PIWIL1: variants seen among roughly 807,000 people sequenced by gnomAD.
PIWIL1 encodes the protein piwi like RNA-mediated gene silencing 1.
Under a neutral mutation model 114.4 loss-of-function variants are expected in PIWIL1, and 73 were observed. The observed-to-expected ratio is 0.64, with a 90% CI of 0.53 to 0.78. PIWIL1 has a LOEUF of 0.78. Ranked by LOEUF, PIWIL1 falls within the 30% of genes least tolerant of loss-of-function variation. The probability of loss-of-function intolerance (pLI) is 0.00; values close to 1 mark genes in which losing one functional copy is unlikely to be tolerated. For missense variants in PIWIL1, 723 were observed against 1,063.1 expected (o/e 0.68, Z 4.45); for synonymous variants, 375 against 369.0 (o/e 1.02, Z -0.19).
chr12:130,425,851 C>A, the PIWIL1 span: 1 of 152,376 alleles, frequency 6.6e-6, no homozygotes, highest in Admixed American at 6.5e-5. Context: ...GTCTGTCCCC[C>A]CTCTTGCTGT....
At chr12:130,390,605 G>A in the PIWIL1 span, among the ~76,000 whole-genome samples, 7 of 152,274 alleles carry the variant, frequency 4.6e-5, no homozygotes, top group African/African-American at 1.7e-4. Flanking sequence ...CTTGGGCAAT[G>A]GGTACCAGTT....
chr12:130,353,589 G>A (rs751134759), intron 9 of PIWIL1, among the ~76,000 whole-genome samples: 11 of 152,266 alleles, frequency 7.2e-5, no homozygotes, highest in South Asian at 2.1e-4. Flanking sequence ...TAGAATTGCC[G>A]AACTGAGCTG....
chr12:130,404,260 G>A, the PIWIL1 span, among the ~76,000 whole-genome samples: 1 of 152,104 alleles, frequency 6.6e-6, no homozygotes, highest in African/African-American at 2.4e-5. Context: ...TATATGCTAG[G>A]GGGAAAAATC....
the PIWIL1 span, among the ~76,000 whole-genome samples, chr12:130,412,119 A>T: frequency 6.6e-6 from 1 of 152,170 alleles, no homozygotes; most frequent in African/African-American, 2.4e-5. Context: ...GTTTTGCTGC[A>T]TTCTCACTGG....
the PIWIL1 span, among the ~76,000 whole-genome samples, chr12:130,392,582 T>C: frequency 2.3e-4 from 28 of 122,434 alleles, 3 homozygotes; most frequent in African/African-American, 8.9e-4. Context: ...CTGGTGAATA[T>C]TGAATGTTGT....
the PIWIL1 span, among the ~76,000 whole-genome samples, chr12:130,403,973 T>C: frequency 2.0e-5 from 3 of 152,200 alleles, no homozygotes; most frequent in African/African-American, 7.2e-5. Context: ...AACCTACATA[T>C]AACATGTAAA....
chr12:130,424,784 C>G, the PIWIL1 span: 1 of 1,232,872 alleles, frequency 8.1e-7, no homozygotes. The surrounding 1 kb of genome is among the most constrained non-coding windows in gnomAD (Gnocchi z 9.8). Flanking sequence ...TGAAAAGTCT[C>G]TTCCTGTGGG....
the PIWIL1 span, chr12:130,397,915 GAAAGTTCAT>G: frequency 6.1e-6 from 1 of 164,964 alleles, no homozygotes. Context: ...CTTAAAAAGC[GAAAGTTCAT>G]AAAGGGAATT....
At chr12:130,382,354 A>G in the PIWIL1 span, among the ~76,000 whole-genome samples, 142,519 of 152,254 alleles carry the variant, frequency 0.94, 66,829 homozygotes, top group Non-Finnish European at 0.96. Flanking sequence ...GGGTCTGGTA[A>G]GCCTGGACCT....
chr12:130,423,268 G>C, the PIWIL1 span, among the ~76,000 whole-genome samples: 1 of 152,184 alleles, frequency 6.6e-6, no homozygotes, highest in South Asian at 2.1e-4. Context: ...AAGGGAGTCC[G>C]GGGATGAGGC....
chr12:130,374,382 C>A (rs1247131804), downstream of PIWIL1, among the ~76,000 whole-genome samples: 2 of 152,202 alleles, frequency 1.3e-5, no homozygotes, highest in African/African-American at 4.8e-5. Context: ...CATTCAGATA[C>A]AAGATTTCAA....
the PIWIL1 span, chr12:130,414,080 C>T: frequency 4.4e-6 from 7 of 1,599,768 alleles, no homozygotes; most frequent in South Asian, 1.1e-5. Flanking sequence ...GACCCAGACC[C>T]GCCTCAGGGG....
At chr12:130,417,615 A>G in the PIWIL1 span, among the ~76,000 whole-genome samples, 1 of 152,216 alleles carries the variant, frequency 6.6e-6, no homozygotes, top group South Asian at 2.1e-4. Flanking sequence ...GAAACTCCTG[A>G]CGGGGCGCTA....
chr12:130,395,829 T>C, the PIWIL1 span, among the ~76,000 whole-genome samples: 1 of 152,190 alleles, frequency 6.6e-6, no homozygotes, highest in Admixed American at 6.5e-5. Flanking sequence ...TAGCCGTTCA[T>C]TAATTTCACT....
chr12:130,345,684 T>C (rs1247652735), intron 3 of PIWIL1, 69 bp from the exon 4 acceptor site: 14 of 1,527,944 alleles, frequency 9.2e-6, no homozygotes, highest in Admixed American at 3.4e-5. Flanking sequence ...ATAATAGCAC[T>C]ATGGGAGTTA....
At chr12:130,346,033 G>A (rs1278959711) in intron 4 of PIWIL1, among the ~76,000 whole-genome samples, 155 bp downstream of exon 4, 1 of 152,164 alleles carries the variant, frequency 6.6e-6, no homozygotes, top group Non-Finnish European at 1.5e-5. Flanking sequence ...GTAGGTTATA[G>A]ATATCTTTAA....
At chr12:130,414,158 C>T in the PIWIL1 span, 1 of 1,614,214 alleles carries the variant, frequency 6.2e-7, no homozygotes, top group Non-Finnish European at 8.5e-7. Context: ...AGGGAAGCTC[C>T]TCCTCTGCAG....
At chr12:130,395,709 A>G in the PIWIL1 span, among the ~76,000 whole-genome samples, 1 of 152,102 alleles carries the variant, frequency 6.6e-6, no homozygotes, top group Non-Finnish European at 1.5e-5. Flanking sequence ...TGTTGGTTTT[A>G]CCTCTTTCTT....
downstream of PIWIL1, among the ~76,000 whole-genome samples, chr12:130,373,584 C>T (rs1209682441): frequency 6.6e-6 from 1 of 152,168 alleles, no homozygotes; most frequent in East Asian, 1.9e-4. Flanking sequence ...ATCTGTTAGA[C>T]ATCACCTGGT....
Sources: gnomAD v4.1 joint callset for allele counts (sites outside exome capture counted in the v4.1 genomes callset) on GRCh38, gnomAD v4.1.1 for gene constraint, Gnocchi (gnomAD v3.1) non-coding constraint, MANE v1.5 for transcripts, NCBI Gene and HGNC (gene_info 2026-07-23, HGNC 2026-07-21) for gene names.